Variants in NTNG1 observed in about 807,000 individuals in gnomAD.
NTNG1 encodes netrin G1.
Under a neutral mutation model 54.0 loss-of-function variants are expected in NTNG1, and 16 were observed. That is an observed-to-expected ratio of 0.30 (90% confidence interval 0.20 to 0.45). The LOEUF is 0.45. Ranked by LOEUF, NTNG1 falls within the 20% of genes least tolerant of loss-of-function variation. The pLI, the probability that NTNG1 is intolerant of heterozygous loss-of-function variation, is 1.00. For synonymous variants in NTNG1, 255 were observed against 263.1 expected, an observed-to-expected ratio of 0.97 and a Z score of 0.30; for missense variants, 530 against 678.7, an observed-to-expected ratio of 0.78 and a Z score of 2.43.
intron 5 of NTNG1, chr1:107,421,148 G>A (rs769146308): frequency 3.1e-6 from 5 of 1,592,254 alleles, no homozygotes; most frequent in Non-Finnish European, 4.3e-6. Flanking sequence ...AGAGAGGTAG[G>A]AATTCTTGGA....
chr1:107,244,995 G>A (rs1662097286), intron 2 of NTNG1, among the ~76,000 whole-genome samples: 1 of 152,110 alleles, frequency 6.6e-6, no homozygotes, highest in Non-Finnish European at 1.5e-5. Context: ...AGCCAGGTGA[G>A]CAGTAAATAA....
chr1:107,305,822 A>G (rs112092608), intron 2 of NTNG1, among the ~76,000 whole-genome samples: 149 of 152,290 alleles, frequency 9.8e-4, no homozygotes, highest in African/African-American at 3.5e-3. Flanking sequence ...GCCCATGCCT[A>G]TATCCAGAAC....
intron 2 of NTNG1, among the ~76,000 whole-genome samples, chr1:107,300,452 C>T (rs1281701712): frequency 1.3e-5 from 2 of 152,140 alleles, no homozygotes; most frequent in African/African-American, 2.4e-5. Flanking sequence ...TTCACCTCTG[C>T]GCCAACACTC....
chr1:107,440,441 G>T (rs113945238), intron 7 of NTNG1, among the ~76,000 whole-genome samples: 1 of 152,090 alleles, frequency 6.6e-6, no homozygotes, highest in Admixed American at 6.5e-5. Flanking sequence ...TACTTGGCCC[G>T]TCTAAGCCTG....
At chr1:107,421,229 G>A in intron 5 of NTNG1, 1 of 933,578 alleles carries the variant, frequency 1.1e-6, no homozygotes. Flanking sequence ...TATCTGTGAA[G>A]TGTACCCATC....
chr1:107,405,060 T>A (rs569067907), intron 4 of NTNG1, among the ~76,000 whole-genome samples: 11 of 152,290 alleles, frequency 7.2e-5, no homozygotes, highest in Admixed American at 5.9e-4. Flanking sequence ...TGCACTTCAT[T>A]TCTAGCCCTT....
chr1:107,256,674 T>C (rs1662956472), intron 2 of NTNG1, among the ~76,000 whole-genome samples: 1 of 152,118 alleles, frequency 6.6e-6, no homozygotes, highest in East Asian at 1.9e-4. Context: ...AGAACCTTGC[T>C]CCAGTAGTTC....
Position 107,290,984 on chromosome 1 carries a change from T to TATATAC in NTNG1, c.247-33297_247-33296insTATACA, listed in dbSNP as rs1160371267. Among the ~76,000 whole-genome samples the TATATAC allele has an allele frequency of 2.1e-4, 29 of 140,012 alleles. 1 individual carries two copies. The highest frequency in any genetic ancestry group is 3.3e-4 in the African/African-American group (12 of 36,398). The allele number at this position is 140,012 out of a possible 152,430, so 91.9% of individuals were successfully genotyped here. A position where few individuals can be genotyped will look rare whatever the true frequency, so the allele number is the denominator to read the frequency against. ...TATATTATATATATATATATATATATACACACACACATACATACACACGCA... is the reference window on the plus strand; with the variant it reads ...TATATTATATATATATATATATATATATATACACACACACACATACATACACACGCA... On this transcript the variant is annotated intron_variant, in intron 2 of 7. Transcript: ENST00000370068.
At chr1:107,402,651 G>A (rs995215362) in intron 4 of NTNG1, among the ~76,000 whole-genome samples, 8 of 151,970 alleles carry the variant, frequency 5.3e-5, no homozygotes, top group African/African-American at 1.9e-4. Context: ...TCAAGTTTCT[G>A]GGAGACAACT....
chr1:107,207,938 C>A (rs1206155196), intron 2 of NTNG1, among the ~76,000 whole-genome samples: 1 of 152,148 alleles, frequency 6.6e-6, no homozygotes, highest in Non-Finnish European at 1.5e-5. Flanking sequence ...CTCCTTCCAC[C>A]CTGTCTCTGG....
rs369754861 is a variant in NTNG1, at chr1:107,389,118, A to C, written c.888-6036A>C. ...AATAAATATCTTACTTGAGTAAATTATACCAAAGCATATTACCATGTGAAC... is the reference window on the plus strand; with the variant it reads ...AATAAATATCTTACTTGAGTAAATTCTACCAAAGCATATTACCATGTGAAC... On this transcript the variant is annotated intron_variant, in intron 3 of 7. Transcript: ENST00000370068. Among the ~76,000 whole-genome samples the C allele has an allele frequency of 1.8e-4, 27 of 152,394 alleles. No individual in the cohort carries two copies. In the East Asian group the frequency reaches 3.7e-3, roughly 21 times the overall value.
At chr1:107,389,896 C>T (rs1557958478) in intron 3 of NTNG1, among the ~76,000 whole-genome samples, 1 of 152,098 alleles carries the variant, frequency 6.6e-6, no homozygotes, top group African/African-American at 2.4e-5. Context: ...AGCTGGATGG[C>T]CATGGGAATG....
At chr1:107,434,117 T>C (rs1321417889) in intron 6 of NTNG1, among the ~76,000 whole-genome samples, 1 of 152,076 alleles carries the variant, frequency 6.6e-6, no homozygotes, top group African/African-American at 2.4e-5. Context: ...ACATTAAAAA[T>C]AAAAAAAGAA....
chr1:107,225,623 G>A (rs1660623100), intron 2 of NTNG1, among the ~76,000 whole-genome samples: 1 of 152,112 alleles, frequency 6.6e-6, no homozygotes, highest in African/African-American at 2.4e-5. Flanking sequence ...CTGAACACCT[G>A]TTAGCAGAGA....
intron 2 of NTNG1, among the ~76,000 whole-genome samples, chr1:107,311,793 G>C (rs1244963278): frequency 6.6e-6 from 1 of 150,898 alleles, no homozygotes; most frequent in African/African-American, 2.4e-5. Context: ...AATTATAGTA[G>C]GAGAGATACA....
At chr1:107,421,618 A>G (rs1466661488) in intron 5 of NTNG1, among the ~76,000 whole-genome samples, 1 of 152,094 alleles carries the variant, frequency 6.6e-6, no homozygotes, top group African/African-American at 2.4e-5. Flanking sequence ...GAAAAACACA[A>G]GTGAAGATCT....
At chr1:107,448,081 C>G (rs1195911507) in intron 7 of NTNG1, among the ~76,000 whole-genome samples, 1 of 152,080 alleles carries the variant, frequency 6.6e-6, no homozygotes, top group African/African-American at 2.4e-5. Flanking sequence ...GTACCTTCCT[C>G]TTGTCAAAAT....
Position 107,483,280 on chromosome 1 carries a change from A to C in NTNG1, c.*2440A>C, listed in dbSNP as rs1323459962. 1 of 152,218 alleles carries C rather than the reference A, an allele frequency of 6.6e-6. No individual in the cohort carries two copies. The highest frequency in any genetic ancestry group is 1.5e-5 in the Non-Finnish European group (1 of 68,028). The allele number at this position is 152,218 out of a possible 1,614,324, so 9.4% of individuals were successfully genotyped here. A position where few individuals can be genotyped will look rare whatever the true frequency, so the allele number is the denominator to read the frequency against. ...CACACTTCAATAGTTGGGATTCCAA[A>C]AGCTAATTCTAAAATTTAATGAAGG... On this transcript the variant is annotated 3_prime_UTR_variant, in exon 8 of 8. Transcript: ENST00000370068.
intron 3 of NTNG1, among the ~76,000 whole-genome samples, chr1:107,392,892 G>A (rs1054478283): frequency 6.6e-6 from 1 of 152,084 alleles, no homozygotes; most frequent in African/African-American, 2.4e-5. Context: ...TAGAACTCAG[G>A]GTTATGTACA....
Sources: gnomAD v4.1 joint callset for allele counts (sites outside exome capture counted in the v4.1 genomes callset) on GRCh38, gnomAD v4.1.1 for gene constraint, MANE v1.5 for transcripts, NCBI Gene and HGNC (gene_info 2026-07-23, HGNC 2026-07-21) for gene names.